ASB15: variants seen among roughly 807,000 people sequenced by gnomAD.
ASB15 encodes the protein ankyrin repeat and SOCS box protein 15.
Under a neutral mutation model 58.0 loss-of-function variants are expected in ASB15, and 54 were observed. That is an observed-to-expected ratio of 0.93 (90% CI 0.75 to 1.17). ASB15 has a LOEUF of 1.17. ASB15 is among the 50% of genes most tolerant of loss of function. The pLI is 0.00. For missense variants in ASB15, 680 were observed against 707.4 expected (o/e 0.96, Z 0.44); for synonymous variants, 249 against 262.4 (o/e 0.95, Z 0.50).
chr7:123,627,232 C>A lies in ASB15; in HGVS notation c.820C>A (p.Arg274=), dbSNP rs758077396. 1 of 1,613,880 alleles carries A rather than the reference C, an allele frequency of 6.2e-7. No individual in the cohort carries two copies. Among genetic ancestry groups the A allele is most frequent in the Admixed American group, 1.7e-5 (1 of 59,994 alleles). Residue 274 remains arginine, a synonymous_variant, in exon 9 of 12, where the codon CGA becomes AGA. Coordinates refer to ENST00000451215, the MANE Select transcript of ASB15 (RefSeq NM_001290258.2). ...TGGAGGAAGCGGAAATGTACCTAAC[C>A]GAGCAGGACATCTTCCTATACACCG... The part of the protein sequence containing the change: ...EYGGSGNVPN[R]AGHLPIHRAA...
chr7:123,567,954 TG>T (rs1798804433), intron 1 of ASB15, among the ~76,000 whole-genome samples: 2 of 152,208 alleles, frequency 1.3e-5, no homozygotes, highest in African/African-American at 2.4e-5. Flanking sequence ...GATTTTTACC[TG>T]TTTTTTTTCT....
At chr7:123,620,469 G>T (rs2116562479) in intron 7 of ASB15, among the ~76,000 whole-genome samples, 1 of 121,898 alleles carries the variant, frequency 8.2e-6, no homozygotes, top group Middle Eastern at 5.8e-3. Context: ...GTATCTGTGG[G>T]TGTTGATTCA....
chr7:123,627,267 T>A lies in ASB15; in HGVS notation c.855T>A (p.Tyr285Ter), dbSNP rs1801854953. Reference protein sequence around the residue: ...AGHLPIHRAAYEGHYLALKYL... With the variant: ...AGHLPIHRAA ...ATCTTCCTATACACCGAGCTGCCTATGAGGGGCATTATCTGTGAGTGATAA... is the reference window on the plus strand; with the variant it reads ...ATCTTCCTATACACCGAGCTGCCTAAGAGGGGCATTATCTGTGAGTGATAA... The change falls in exon 9 of 12, where the codon TAT becomes TAA. Residue 285 changes from tyrosine (Y) to a stop codon, truncating the protein, a stop_gained. Transcript: ENST00000451215. LOFTEE classifies it high-confidence loss of function. 1 of 1,612,958 alleles carries A rather than the reference T, an allele frequency of 6.2e-7. No homozygotes were observed. The highest frequency in any genetic ancestry group is 8.5e-7 in the Non-Finnish European group (1 of 1,179,010).
intron 7 of ASB15, among the ~76,000 whole-genome samples, chr7:123,618,914 G>A (rs1256480655): frequency 2.0e-5 from 3 of 152,034 alleles, no homozygotes; most frequent in Non-Finnish European, 2.9e-5. Context: ...GGTGGCTCAT[G>A]CCTGTAATCC....
intron 1 of ASB15, among the ~76,000 whole-genome samples, chr7:123,590,439 G>A (rs577987231): frequency 2.8e-4 from 43 of 152,100 alleles, no homozygotes; most frequent in African/African-American, 1.0e-3. Flanking sequence ...TTCTTCTAGG[G>A]CTTTTATGGT....
At chr7:123,580,562 T>C (rs2078186146) in intron 1 of ASB15, among the ~76,000 whole-genome samples, 1 of 152,050 alleles carries the variant, frequency 6.6e-6, no homozygotes, top group South Asian at 2.1e-4. Context: ...GCCATGAGGT[T>C]AAATGAGATA....
chr7:123,599,163 CA>C (rs1799793794), upstream of ASB15, among the ~76,000 whole-genome samples: 1 of 151,668 alleles, frequency 6.6e-6, no homozygotes, highest in African/African-American at 2.4e-5. Context: ...TGAAATATAC[CA>C]AAGTGAAAAT....
chr7:123,611,369 A>ACTGCAAGCTCCGCCTCC (rs1245611148), intron 3 of ASB15, among the ~76,000 whole-genome samples: 1 of 151,916 alleles, frequency 6.6e-6, no homozygotes, highest in Non-Finnish European at 1.5e-5. Flanking sequence ...ATCTCGGCTC[A>ACTGCAAGCTCCGCCTCC]CTGCAAGCTC....
chr7:123,629,033 G>A lies in ASB15; in HGVS notation c.1039G>A (p.Asp347Asn). ...TGCTGACCACATTTCCCAGAGCTAT[G>A]ACGATGAGAGGAAGACTGCGCTGTA... is the stretch of plus-strand genomic sequence containing the variant. ...LLADHISQSY[D>N]DERKTALYFG... Residue 347 changes from aspartate (D) to asparagine (N), a missense_variant, in exon 10 of 12, where the codon GAC becomes AAC. By Grantham distance (23) the Asp-to-Asn change is conservative. Coordinates refer to ENST00000451215, the MANE Select transcript of ASB15 (RefSeq NM_001290258.2). 6.2e-7 allele frequency: 1 copy of A among 1,613,868 alleles called. No individual in the cohort carries two copies. The highest frequency in any genetic ancestry group is 1.1e-5 in the South Asian group (1 of 90,994).
upstream of ASB15, among the ~76,000 whole-genome samples, chr7:123,600,765 T>C (rs1472566805): frequency 6.6e-6 from 1 of 152,170 alleles, no homozygotes. Flanking sequence ...CATTTCACAT[T>C]TACGGTTTCT....
intron 4 of ASB15, among the ~76,000 whole-genome samples, chr7:123,614,828 G>A (rs1291688749): frequency 6.6e-6 from 1 of 152,174 alleles, no homozygotes; most frequent in Non-Finnish European, 1.5e-5. Context: ...AAAACCCTAT[G>A]TGGAAAATTC....
chr7:123,638,174 C>T lies in ASB15; in HGVS notation c.*1193C>T, dbSNP rs979144365. On this transcript the variant is annotated 3_prime_UTR_variant, in exon 12 of 12. Coordinates refer to ENST00000451215, the MANE Select transcript of ASB15 (RefSeq NM_001290258.2). Reference sequence around the variant, plus strand: ...TGTCTTGCCCTGTCCCAAACACTTTCTACATACAGCATCTCAGAAGAGTCT... The same window carrying T: ...TGTCTTGCCCTGTCCCAAACACTTTTTACATACAGCATCTCAGAAGAGTCT... 6.6e-6 allele frequency: 1 copy of T among 152,090 alleles called. No individual in the cohort carries two copies. The highest frequency in any genetic ancestry group is 2.4e-5 in the African/African-American group (1 of 41,408). 9.4% of individuals were successfully genotyped at this position (152,090 alleles called of 1,614,324 possible).
rs767502624 is a variant in ASB15, at chr7:123,617,542, AT to A, written c.293-33del. On this transcript the variant is annotated intron_variant, in intron 6 of 11. Coordinates refer to ENST00000451215, the MANE Select transcript of ASB15 (RefSeq NM_001290258.2). The stretch of plus-strand genomic sequence containing the variant: ...TTTGTGTAATATCCTATAAGTGAGT[AT>A]TTTCAACTTTTCAACATAATGCTTT... 48 of 1,550,240 alleles carry A rather than the reference AT, an allele frequency of 3.1e-5. No homozygotes were observed. The African/African-American group carries it at 5.8e-4, about 19-fold the overall frequency.
rs996756556 is a variant in ASB15 at position 123,637,667 on chromosome 7, G to A, written c.*686G>A. On this transcript the variant is annotated 3_prime_UTR_variant, in exon 12 of 12. Coordinates refer to ENST00000451215, the MANE Select transcript of ASB15 (RefSeq NM_001290258.2). ...ATATATCTTAAGCCCTCTTCTCTTT[G>A]TTCTTTAAGTTATATATCCTAAGCC... is the stretch of plus-strand genomic sequence containing the variant. 3 of 151,630 alleles carry A rather than the reference G, an allele frequency of 2.0e-5. No individual in the cohort carries two copies. Among genetic ancestry groups the A allele is most frequent in the Admixed American group, 1.3e-4 (2 of 15,204 alleles). 9.4% of individuals were successfully genotyped at this position (151,630 alleles called of 1,614,324 possible). A position where few individuals can be genotyped will look rare whatever the true frequency, so the allele number is the denominator to read the frequency against.
intron 11 of ASB15, among the ~76,000 whole-genome samples, chr7:123,633,553 A>G (rs1802241441): frequency 6.6e-6 from 1 of 152,160 alleles, no homozygotes; most frequent in Admixed American, 6.5e-5. Context: ...ATTAGAAATA[A>G]CAATATAAAC....
chr7:123,638,446 T>TA lies in ASB15; in HGVS notation c.*1471dup, dbSNP rs1310649191. 2 of 152,096 alleles carry TA rather than the reference T, an allele frequency of 1.3e-5. No homozygotes were observed. The highest frequency in any genetic ancestry group is 2.9e-5 in the Non-Finnish European group (2 of 68,020). 9.4% of individuals were successfully genotyped at this position (152,096 alleles called of 1,614,324 possible). The stretch of plus-strand genomic sequence containing the variant: ...GTGTTTATTTTTCAAAAAGAGTCAT[T>TA]AAAAAATACCATCTACTATCACCAT... On this transcript the variant is annotated 3_prime_UTR_variant, in exon 12 of 12. Transcript: ENST00000451215.
chr7:123,609,252 C>T (rs1198481285), intron 3 of ASB15, among the ~76,000 whole-genome samples: 13 of 152,076 alleles, frequency 8.5e-5, no homozygotes, highest in Admixed American at 1.3e-4. Context: ...GTTGTCCCTT[C>T]GTATCACTTC....
upstream of ASB15, among the ~76,000 whole-genome samples, chr7:123,597,270 G>T (rs1799724935): frequency 6.6e-6 from 1 of 152,040 alleles, no homozygotes. Context: ...ACATTTAGTG[G>T]TTTTCCTGAT....
intron 4 of ASB15, among the ~76,000 whole-genome samples, chr7:123,614,848 T>C (rs1800695642): frequency 6.6e-6 from 1 of 152,212 alleles, no homozygotes; most frequent in Admixed American, 6.5e-5. Context: ...CCTAGATGAA[T>C]TTGGTTGTAT....
Sources: allele counts gnomAD v4.1 joint callset (sites outside exome capture counted in the v4.1 genomes callset), GRCh38; gene constraint gnomAD v4.1.1; transcripts MANE v1.5; gene names NCBI Gene and HGNC (gene_info 2026-07-23, HGNC 2026-07-21).